Variants in CYP4A11 observed in about 807,000 individuals in gnomAD.
CYP4A11 encodes the protein cytochrome P450 family 4 subfamily A member 11.
In CYP4A11, 52 loss-of-function variants were observed where a neutral mutation model predicts 57.7. The observed-to-expected ratio is 0.90, with a 90% CI of 0.72 to 1.14. The LOEUF (loss-of-function observed/expected upper bound fraction) is 1.14, where lower values mean the gene tolerates loss of function less well. Ranked by LOEUF, CYP4A11 falls within the 50% of genes most tolerant of loss-of-function variation. The pLI is 0.00. For missense variants in CYP4A11, 641 were observed against 642.1 expected (o/e 1.00, Z 0.02); for synonymous variants, 228 against 247.1 (o/e 0.92, Z 0.72).
chr1:46,935,613 G>A lies in CYP4A11; in HGVS notation c.545C>T (p.Pro182Leu). Residue 182 changes from proline (P) to leucine (L), a missense_variant, in exon 5 of 12, where the codon CCT becomes CTT. Pro to Leu is a moderately conservative substitution (Grantham distance 98). Coordinates refer to ENST00000310638, the MANE Select transcript of CYP4A11 (RefSeq NM_000778.4). ...KWEELLGQDS[P>L]LEVFQHVSLM... ...GGAGACGTGCTGAAAGACCTCCAGA[G>A]GGGAATCCTGGCCAAGGAGCTCTTC... 6.2e-7 allele frequency: 1 copy of A among 1,613,960 alleles called. No individual in the cohort carries two copies.
intron 9 of CYP4A11, among the ~76,000 whole-genome samples, 193 bp from the exon 10 acceptor site, chr1:46,933,240 A>T (rs1356010901): frequency 6.6e-6 from 1 of 152,206 alleles, no homozygotes; most frequent in Non-Finnish European, 1.5e-5. Context: ...TGAATAGACA[A>T]CCATTTATGC....
At chr1:46,936,864 G>T in intron 3 of CYP4A11, 73 bp from the exon 4 acceptor site, 1 of 1,518,874 alleles carries the variant, frequency 6.6e-7, no homozygotes, top group South Asian at 1.3e-5. Context: ...CAAGGAGCTA[G>T]GGATGACTGG....
chr1:46,932,922 A>G, intron 10 of CYP4A11, 61 bp downstream of exon 10: 16 of 1,614,056 alleles, frequency 9.9e-6, no homozygotes, highest in Non-Finnish European at 1.7e-6. Flanking sequence ...CAGAGGTGGA[A>G]GCAGGAGAAG....
intron 9 of CYP4A11, 79 bp from the exon 10 acceptor site, chr1:46,933,126 A>C: frequency 6.3e-7 from 1 of 1,581,530 alleles, no homozygotes; most frequent in East Asian, 2.2e-5. Flanking sequence ...CAGGCACAAA[A>C]GAAGGCCCAA....
chr1:46,930,774 G>T (rs9333028), intron 11 of CYP4A11, among the ~76,000 whole-genome samples: 2,690 of 152,248 alleles, frequency 0.018, 62 homozygotes, highest in African/African-American at 0.061. Context: ...CCTCATAGGG[G>T]CCCCGATGGG....
chr1:46,931,773 G>T, intron 11 of CYP4A11: 1 of 731,114 alleles, frequency 1.4e-6, no homozygotes, highest in Non-Finnish European at 1.7e-6. Context: ...GTTTCAAAAA[G>T]TCACATAATT....
In CYP4A11 at chr1:46,938,002, T is replaced by A; in HGVS notation, c.331A>T (p.Arg111Ter). 1 of 1,614,014 alleles carries A rather than the reference T, an allele frequency of 6.2e-7. No homozygotes were observed. Among genetic ancestry groups the A allele is most frequent in the Non-Finnish European group, 8.5e-7 (1 of 1,180,010 alleles). ...DPDYMKVILG[R>*]SDPKSHGSYR... is the part of the protein sequence containing the mutation. ...GATGGGGGTTCGATCTCACCTGATC[T>A]CCCCAGAATCACCTTCATATAGTCA... The change falls in exon 2 of 12, where the codon AGA (arginine) becomes TGA (stop). Residue 111 changes from arginine (R) to a stop codon, truncating the protein, a stop_gained. Coordinates refer to ENST00000310638, the MANE Select transcript of CYP4A11 (RefSeq NM_000778.4). LOFTEE classifies it high-confidence loss of function.
chr1:46,935,384 G>T (rs1681319155), intron 5 of CYP4A11, 139 bp downstream of exon 5: 1 of 1,508,594 alleles, frequency 6.6e-7, no homozygotes, highest in Non-Finnish European at 8.9e-7. Context: ...GTTTGGTCTG[G>T]ACTGGAATTA....
At position 46,938,094 on chromosome 1, in the gene CYP4A11, T is replaced by C. The variant is rs1208465022; in HGVS notation, c.239A>G (p.Glu80Gly). The C allele has an allele frequency of 6.2e-7, 1 of 1,614,238 alleles. No homozygotes were observed. The highest frequency in any genetic ancestry group is 1.1e-5 in the South Asian group (1 of 91,086). ...ATGAGGACAGGCACTTGGGAATGTCTCCACCCATTTCTGAATCCGTTGTAG... is the reference window on the plus strand; with the variant it reads ...ATGAGGACAGGCACTTGGGAATGTCCCCACCCATTTCTGAATCCGTTGTAG... ...QELQRIQKWV[E>G]TFPSACPHWL... Residue 80 changes from glutamate (E) to glycine (G), a missense_variant, in exon 2 of 12, where the codon GAG (glutamate) becomes GGG (glycine). Coordinates refer to ENST00000310638, the MANE Select transcript of CYP4A11 (RefSeq NM_000778.4).
chr1:46,940,507 T>C (rs573693942), intron 1 of CYP4A11, among the ~76,000 whole-genome samples: 2 of 152,200 alleles, frequency 1.3e-5, no homozygotes, highest in East Asian at 3.9e-4. Flanking sequence ...AGTCCGGGTG[T>C]GTGGGAGGAG....
chr1:46,935,187 G>A lies in CYP4A11; in HGVS notation c.636-33C>T, dbSNP rs558078442. The A allele has an allele frequency of 9.4e-6, 15 of 1,598,936 alleles. No homozygotes were observed. In the African/African-American group the frequency reaches 2.0e-4, roughly 21 times the overall value. On this transcript the variant is annotated intron_variant, in intron 5 of 11. Transcript: ENST00000310638. The stretch of plus-strand genomic sequence containing the variant: ...AGAGTATGAAGAAGGGACTGCAGTA[G>A]GGGTGGGCCCATTACCCGGAAGTAG...
At chr1:46,935,962 G>A (rs1681364795) in intron 4 of CYP4A11, among the ~76,000 whole-genome samples, 1 of 152,212 alleles carries the variant, frequency 6.6e-6, no homozygotes, top group Admixed American at 6.5e-5. Flanking sequence ...TGCTATTGTT[G>A]TTCTGGGATA....
chr1:46,936,607 T>G lies in CYP4A11; in HGVS notation c.510+57A>C, dbSNP rs1681405561. 4 of 1,513,280 alleles carry G rather than the reference T, an allele frequency of 2.6e-6. No homozygotes were observed. In the Admixed American group the frequency reaches 6.2e-5, roughly 24 times the overall value. The allele number at this position is 1,513,280 out of a possible 1,614,324, so 93.7% of individuals were successfully genotyped here. ...GTGGGACACAGGGTTGAGAGTGGAG[T>G]TGGTGAGAGTGTGTGCTGTGAGTGG... On this transcript the variant is annotated intron_variant, in intron 4 of 11. Coordinates refer to ENST00000310638, the MANE Select transcript of CYP4A11 (RefSeq NM_000778.4).
chr1:46,934,609 C>A (rs768111297), intron 6 of CYP4A11, 50 bp from the exon 7 acceptor site: 1 of 1,554,256 alleles, frequency 6.4e-7, no homozygotes, highest in Non-Finnish European at 8.8e-7. Flanking sequence ...TCAGCAGCCC[C>A]CAGGAGGCCT....
intron 4 of CYP4A11, 138 bp downstream of exon 4, chr1:46,936,526 C>A: frequency 7.4e-7 from 1 of 1,345,392 alleles, no homozygotes; most frequent in Non-Finnish European, 9.7e-7. Context: ...GAACCCTCTA[C>A]TCTCACAGCA....
rs551365426 is a variant in CYP4A11 at position 46,936,014 on chromosome 1, T to C, written c.511-367A>G. Among the ~76,000 whole-genome samples the C allele has an allele frequency of 5.3e-5, 8 of 152,334 alleles. No individual in the cohort carries two copies. The East Asian group carries it at 1.5e-3, about 29-fold the overall frequency. On this transcript the variant is annotated intron_variant, in intron 4 of 11. Coordinates refer to ENST00000310638, the MANE Select transcript of CYP4A11 (RefSeq NM_000778.4). The stretch of plus-strand genomic sequence containing the variant: ...TCAGTGTTCTGAGAGCTGAGCTAGT[T>C]CTGAGGGACTAGTAGGAAAGTTTCA...
Position 46,936,789 on chromosome 1 carries a change from A to G in CYP4A11, c.385T>C (p.Tyr129His). 6.2e-7 allele frequency: 1 copy of G among 1,605,560 alleles called. No individual in the cohort carries two copies. The highest frequency in any genetic ancestry group is 8.5e-7 in the Non-Finnish European group (1 of 1,177,352). ...TGCCCATTCAACAGGAGCAAGCCGT[A>G]CCCTAAGAGAGACATGAATGTGTGT... The part of the protein sequence containing the change: ...SYRFLAPWIG[Y>H]GLLLLNGQTW... The change falls in exon 4 of 12, where the codon TAC (tyrosine) becomes CAC (histidine). Residue 129 changes from tyrosine (Y) to histidine (H), a missense_variant and splice_region_variant. Transcript: ENST00000310638.
chr1:46,935,463 A>T, intron 5 of CYP4A11, 60 bp downstream of exon 5: 3 of 1,531,344 alleles, frequency 2.0e-6, no homozygotes, highest in Non-Finnish European at 2.6e-6. Context: ...CCTGCCCCTC[A>T]GGTATGTGCA....
At position 46,932,323 on chromosome 1, in the gene CYP4A11, G is replaced by C. The variant is rs9333019; in HGVS notation, c.1364+438C>G. 1.4e-5 allele frequency: 15 copies of C among 1,038,262 alleles called. No individual in the cohort carries two copies. In the African/African-American group the frequency reaches 2.5e-4, roughly 18 times the overall value. 64.3% of individuals were successfully genotyped at this position (1,038,262 alleles called of 1,614,324 possible). A position where few individuals can be genotyped will look rare whatever the true frequency, so the allele number is the denominator to read the frequency against. ...AATGATTCATCTCTACGACAGACTA[G>C]TGAATTAAATAGGGAAGGTAGTGTG... is the stretch of plus-strand genomic sequence containing the variant. On this transcript the variant is annotated intron_variant, in intron 11 of 11. Coordinates refer to ENST00000310638, the MANE Select transcript of CYP4A11 (RefSeq NM_000778.4).
Sources: gnomAD v4.1 joint callset for allele counts (sites outside exome capture counted in the v4.1 genomes callset) on GRCh38, gnomAD v4.1.1 for gene constraint, MANE v1.5 for transcripts, NCBI Gene and HGNC (gene_info 2026-07-23, HGNC 2026-07-21) for gene names.